Variants in ANK1 observed in about 807,000 individuals in gnomAD.
ANK1 encodes the protein ankyrin 1.
In ANK1, 51 loss-of-function variants were observed where a neutral mutation model predicts 210.4. That is an observed-to-expected ratio of 0.24 (90% CI 0.19 to 0.31). The LOEUF is 0.31. Among genes scored for constraint, ANK1 ranks in the 10% least tolerant of loss-of-function variants. The pLI is 1.00. For synonymous variants in ANK1, 967 were observed against 1,025.9 expected (o/e 0.94, Z 1.10); for missense variants, 2,051 against 2,504.4 (o/e 0.82, Z 3.86).
chr8:41,681,034 A>T (rs1363531911), intron 37 of ANK1, among the ~76,000 whole-genome samples: 1 of 152,158 alleles, frequency 6.6e-6, no homozygotes, highest in African/African-American at 2.4e-5. Flanking sequence ...GCATACAGTC[A>T]AGTGGTCCCT....
intron 1 of ANK1, among the ~76,000 whole-genome samples, chr8:41,831,639 CAA>C (rs143137281): frequency 1.2e-3 from 69 of 58,396 alleles, no homozygotes; most frequent in Non-Finnish European, 1.5e-3. Context: ...AAAAGTCTGT[CAA>C]AAAAAAAAAA....
chr8:41,827,685 TAC>T (rs1370972853), intron 1 of ANK1, among the ~76,000 whole-genome samples: 2 of 122,722 alleles, frequency 1.6e-5, no homozygotes, highest in South Asian at 2.6e-4. Flanking sequence ...CCCTCATATA[TAC>T]ACACTCACAC....
intron 29 of ANK1, 131 bp downstream of exon 29, chr8:41,693,767 G>C (rs578200311): frequency 1.6e-5 from 16 of 1,005,118 alleles, no homozygotes; most frequent in South Asian, 1.3e-4. Context: ...TCTTGGAAGA[G>C]CACCTCACTC....
intron 1 of ANK1, 114 bp from the exon 2 acceptor site, chr8:41,758,251 G>T: frequency 1.1e-6 from 1 of 917,122 alleles, no homozygotes; most frequent in Non-Finnish European, 1.8e-6. Flanking sequence ...TGGCACCCTG[G>T]TGCCCACAGT....
chr8:41,679,150 C>T (rs921253981), intron 37 of ANK1, among the ~76,000 whole-genome samples: 9 of 152,166 alleles, frequency 5.9e-5, no homozygotes, highest in African/African-American at 1.9e-4. Flanking sequence ...GATTTTTCTC[C>T]GCATTATGGA....
At chr8:41,685,621 G>A (rs1172133603) in intron 36 of ANK1, among the ~76,000 whole-genome samples, 1 of 148,454 alleles carries the variant, frequency 6.7e-6, no homozygotes, top group African/African-American at 2.5e-5. Flanking sequence ...TGTCATCTAG[G>A]AGTCCTGATG....
chr8:41,748,998 G>A (rs1836954594), intron 2 of ANK1, among the ~76,000 whole-genome samples: 1 of 151,218 alleles, frequency 6.6e-6, no homozygotes, highest in Non-Finnish European at 1.5e-5. Flanking sequence ...TCCTGCCACT[G>A]CCCTCCAACC....
intron 38 of ANK1, among the ~76,000 whole-genome samples, chr8:41,671,694 A>G (rs188684159): frequency 1.5e-3 from 223 of 144,626 alleles, no homozygotes; most frequent in Middle Eastern, 0.011. Context: ...CGGCGCCCCG[A>G]TGTCCCTAAG....
In ANK1 at chr8:41,715,801, T is replaced by C. The variant is rs763706648; in HGVS notation, c.1453A>G (p.Met485Val). 1.2e-6 allele frequency: 2 copies of C among 1,614,222 alleles called. No homozygotes were observed. Among genetic ancestry groups the C allele is most frequent in the South Asian group, 1.1e-5 (1 of 91,082 alleles). The change falls in exon 14 of 43, where the codon ATG (methionine) becomes GTG (valine). Residue 485 changes from methionine to valine, a missense_variant. Transcript: ENST00000289734. ...HCAARIGHTNMVKLLLENNAN... is the reference protein window; with the variant it reads ...HCAARIGHTNVVKLLLENNAN... ...TTATTTTCCAGCAGGAGCTTCACCA[T>C]GTTTGTGTGGCCGATGCGAGCTGCA...
chr8:41,717,293 G>A (rs1333105170), intron 12 of ANK1, among the ~76,000 whole-genome samples: 1 of 152,254 alleles, frequency 6.6e-6, no homozygotes, highest in Non-Finnish European at 1.5e-5. Flanking sequence ...GTGTGTGTCT[G>A]TGTATTCTAG....
chr8:41,687,819 T>C (rs1424573978), intron 35 of ANK1, among the ~76,000 whole-genome samples: 1 of 152,226 alleles, frequency 6.6e-6, no homozygotes, highest in Non-Finnish European at 1.5e-5. Context: ...ACCCTGATGG[T>C]TGGCAGGACT....
At chr8:41,712,325 C>T (rs1289660544) in intron 16 of ANK1, among the ~76,000 whole-genome samples, 1 of 152,202 alleles carries the variant, frequency 6.6e-6, no homozygotes, top group Non-Finnish European at 1.5e-5. Flanking sequence ...TGGGAAGCAG[C>T]GATGTCCACA....
At chr8:41,851,334 T>A (rs971863249) in intron 1 of ANK1, among the ~76,000 whole-genome samples, 1 of 152,188 alleles carries the variant, frequency 6.6e-6, no homozygotes, top group African/African-American at 2.4e-5. Context: ...GCAGTGGGCG[T>A]TGCAGGCCCA....
chr8:41,697,765 C>T (rs768602277), intron 24 of ANK1: 3 of 526,144 alleles, frequency 5.7e-6, no homozygotes, highest in Non-Finnish European at 1.1e-5. Context: ...TGGTCAAGGA[C>T]CCACTGGTTT....
At chr8:41,823,249 G>A (rs1036654049) in intron 1 of ANK1, among the ~76,000 whole-genome samples, 3 of 152,118 alleles carry the variant, frequency 2.0e-5, no homozygotes, top group Non-Finnish European at 4.4e-5. Flanking sequence ...ACACTCTAGG[G>A]GGAGAGAAGT....
In ANK1 at chr8:41,672,416, C is replaced by T. The variant is rs998204300; in HGVS notation, c.5034G>A (p.Arg1678=). The T allele has an allele frequency of 9.3e-6, 15 of 1,614,130 alleles. No homozygotes were observed. In the Admixed American group the frequency reaches 1.7e-4, roughly 18 times the overall value. ...GGGAATGTGTGATTCGGGCTTGCCC[C>T]CTCTGATGGCCTGAAACAAGAGACA... is the stretch of plus-strand genomic sequence containing the variant. ...NEVSLVSGHQ[R]GQARITHSPT... is the part of the protein sequence containing the mutation. The change falls in exon 38 of 43, where the codon AGG becomes AGA. Residue 1678 remains arginine (R), a synonymous_variant. Transcript: ENST00000289734.
In ANK1 at chr8:41,692,677, C is replaced by T. The variant is rs148942046; in HGVS notation, c.3829G>A (p.Val1277Met). Residue 1277 changes from valine to methionine, a missense_variant, in exon 31 of 43, where the codon GTG (valine) becomes ATG (methionine). By Grantham distance (21) the Val-to-Met change is conservative (BLOSUM62 1). Transcript: ENST00000289734. ...ATGTCCCTGCTCCGGGCCACCTCCACGAAGTTCTCATGCTGCTCCAGGGTC... is the reference window on the plus strand; with the variant it reads ...ATGTCCCTGCTCCGGGCCACCTCCATGAAGTTCTCATGCTGCTCCAGGGTC... Reference protein sequence around the residue: ...DKTLEQHENFVEVARSRDIEV... With the variant: ...DKTLEQHENFMEVARSRDIEV... The T allele has an allele frequency of 1.7e-3, 2,765 of 1,613,952 alleles. 3 individuals carry two copies. The highest frequency in any genetic ancestry group is 2.2e-3 in the Non-Finnish European group (2,599 of 1,180,012).
chr8:41,821,513 CCAAGTGGA>C (rs1804256559), intron 1 of ANK1, among the ~76,000 whole-genome samples: 2 of 152,102 alleles, frequency 1.3e-5, no homozygotes, highest in African/African-American at 4.8e-5. Flanking sequence ...TAATTACCTG[CCAAGTGGA>C]CCCTGAACAC....
chr8:41,866,293 G>A (rs1007928289), intron 1 of ANK1, among the ~76,000 whole-genome samples: 9 of 152,206 alleles, frequency 5.9e-5, no homozygotes, highest in African/African-American at 1.7e-4. Flanking sequence ...GGGCTCAAGC[G>A]ATTCTCCTAT....
Sources: allele counts gnomAD v4.1 joint callset (sites outside exome capture counted in the v4.1 genomes callset), GRCh38; gene constraint gnomAD v4.1.1; transcripts MANE v1.5; gene names NCBI Gene and HGNC (gene_info 2026-07-23, HGNC 2026-07-21).